Variants in VPS13A observed in about 807,000 individuals in gnomAD.
The protein encoded by VPS13A is intermembrane lipid transfer protein VPS13A.
In VPS13A, 264 loss-of-function variants were observed where a neutral mutation model predicts 390.9. The ratio of observed to expected loss-of-function variants is 0.68; its 90% CI spans 0.61 to 0.75. VPS13A has a LOEUF of 0.75. Ranked by LOEUF, VPS13A falls within the 30% of genes least tolerant of loss-of-function variation. VPS13A has a pLI of 0.00. For synonymous variants in VPS13A, 1,231 were observed against 1,227.1 expected (o/e 1.00, Z -0.07); for missense variants, 3,409 against 3,733.9 (o/e 0.91, Z 2.27).
chr9:77,346,190 A>T (rs879415257), intron 52 of VPS13A, among the ~76,000 whole-genome samples: 4 of 151,578 alleles, frequency 2.6e-5, no homozygotes, highest in Non-Finnish European at 4.4e-5. Flanking sequence ...ATTTTTTTTT[A>T]ATTTAAATTA....
intron 17 of VPS13A, among the ~76,000 whole-genome samples, chr9:77,236,804 G>A (rs759619473): frequency 6.6e-6 from 1 of 152,192 alleles, no homozygotes; most frequent in Non-Finnish European, 1.5e-5. Context: ...CCATATTAAT[G>A]TAGATTTTCT....
intron 31 of VPS13A, among the ~76,000 whole-genome samples, chr9:77,284,979 A>G (rs1045986157): frequency 1.3e-5 from 2 of 152,114 alleles, no homozygotes; most frequent in Admixed American, 6.6e-5. Flanking sequence ...TGCTGGTATT[A>G]CAAGCATGAG....
intron 7 of VPS13A, chr9:77,211,293 C>T (rs1825961164): frequency 6.6e-6 from 1 of 151,858 alleles, no homozygotes; most frequent in African/African-American, 2.4e-5. Context: ...GATAAGTATC[C>T]TAAATTTTAA....
In VPS13A at chr9:77,406,028, A is replaced by AAAT. The variant is rs1269967497; in HGVS notation, c.9399+45_9399+47dup. On this transcript the variant is annotated intron_variant, in intron 70 of 71. Transcript: ENST00000360280. Reference sequence around the variant, plus strand: ...TTATTTTTTGAAAACTTGGAACTGAAAATAATGCTTTGAAGTAGTCCTTTT... The same window carrying AAAT: ...TTATTTTTTGAAAACTTGGAACTGAAAATAATAATGCTTTGAAGTAGTCCTTTT... 1.2e-5 allele frequency: 20 copies of AAAT among 1,610,312 alleles called. 1 individual carries two copies. In the African/African-American group the frequency reaches 2.0e-4, roughly 16 times the overall value.
chr9:77,303,080 C>T lies in VPS13A; in HGVS notation c.3960+18C>T, dbSNP rs1176832118. 1 of 1,613,342 alleles carries T rather than the reference C, an allele frequency of 6.2e-7. No homozygotes were observed. The highest frequency in any genetic ancestry group is 2.2e-5 in the East Asian group (1 of 44,792). On this transcript the variant is annotated intron_variant, in intron 34 of 71. Transcript: ENST00000360280. The stretch of plus-strand genomic sequence containing the variant: ...CAATGGAGGTAACTTTTTTTGGATA[C>T]TTATCAATTTTTGTTTTGCTTGTTG...
chr9:77,319,398 G>A (rs916748514), intron 41 of VPS13A, among the ~76,000 whole-genome samples, 174 bp from the exon 42 acceptor site: 1 of 152,052 alleles, frequency 6.6e-6, no homozygotes, highest in Non-Finnish European at 1.5e-5. Context: ...AAATTGTGAA[G>A]AGCGAATATG....
At position 77,359,404 on chromosome 9, in the gene VPS13A, T is replaced by G. The variant is rs1832008997; in HGVS notation, c.8105+2T>G. The G allele has an allele frequency of 6.2e-7, 1 of 1,601,024 alleles. No individual in the cohort carries two copies. Among genetic ancestry groups the G allele is most frequent in the African/African-American group, 1.3e-5 (1 of 74,656 alleles). ...ACATTCCCAGATATCACGTATTAAG[T>G]AAGTGTCTTAATACATTTCTTGTAT... On this transcript the variant is annotated splice_donor_variant, in intron 58 of 71. Coordinates refer to ENST00000360280, the MANE Select transcript of VPS13A (RefSeq NM_033305.3). LOFTEE classifies it high-confidence loss of function.
intron 50 of VPS13A, among the ~76,000 whole-genome samples, chr9:77,343,092 C>G (rs1830928786): frequency 6.6e-6 from 1 of 152,016 alleles, no homozygotes; most frequent in East Asian, 1.9e-4. Flanking sequence ...TCAGGCGCTC[C>G]CTTTCCCCCG....
In VPS13A at chr9:77,340,241, C is replaced by A. The variant is rs1170011018; in HGVS notation, c.6838C>A (p.His2280Asn). The change falls in exon 49 of 72, where the codon CAT (histidine) becomes AAT (asparagine). Residue 2280 changes from histidine to asparagine, a missense_variant. Physicochemically the swap from His to Asn is moderately conservative, Grantham distance 68 (BLOSUM62 1). This residue lies in a region of VPS13A where 2,717 missense variants were observed against 2,917.4 expected (regional missense o/e 0.93). Transcript: ENST00000360280. Reference protein sequence around the residue: ...NQFSIDTVGSHGAVKCKGLKM... With the variant: ...NQFSIDTVGSNGAVKCKGLKM... ...GTTTTCAATTGATACTGTTGGTAGTCATGGAGCTGTTAAATGTAAAGGCCT... is the reference window on the plus strand; with the variant it reads ...GTTTTCAATTGATACTGTTGGTAGTAATGGAGCTGTTAAATGTAAAGGCCT... 1 of 1,613,160 alleles carries A rather than the reference C, an allele frequency of 6.2e-7. No individual in the cohort carries two copies. Among genetic ancestry groups the A allele is most frequent in the African/African-American group, 1.3e-5 (1 of 74,962 alleles).
intron 33 of VPS13A, among the ~76,000 whole-genome samples, chr9:77,298,999 C>CT (rs1828176821): frequency 6.6e-6 from 1 of 152,166 alleles, no homozygotes; most frequent in Admixed American, 6.5e-5. Flanking sequence ...TTTCCCAACA[C>CT]TATTTATTAA....
chr9:77,316,146 TA>T, intron 38 of VPS13A, 27 bp from the exon 39 acceptor site: 1 of 1,349,064 alleles, frequency 7.4e-7, no homozygotes, highest in Non-Finnish European at 1.0e-6. Context: ...ATATAGCAAA[TA>T]TTTTAATCTA....
chr9:77,405,883 A>G lies in VPS13A; in HGVS notation c.9295A>G (p.Lys3099Glu). Residue 3099 changes from lysine (K) to glutamate (E), a missense_variant, in exon 70 of 72, where the codon AAG becomes GAG. Physicochemically the swap from Lys to Glu is moderately conservative, Grantham distance 56. This residue lies in a region of VPS13A where 318 missense variants were observed against 333.7 expected (regional missense o/e 0.95). Coordinates refer to ENST00000360280, the MANE Select transcript of VPS13A (RefSeq NM_033305.3). ...TTGCAGTGGTGTATTGTTTGTAACA[A>G]AGGGAACATTTGGACAACTCACGTG... ...ITRRGVLFVT[K>E]GTFGQLTCEW... 3 of 1,613,822 alleles carry G rather than the reference A, an allele frequency of 1.9e-6. No homozygotes were observed. The highest frequency in any genetic ancestry group is 2.5e-6 in the Non-Finnish European group (3 of 1,179,994).
At chr9:77,319,726 A>G (rs1400651918) in intron 42 of VPS13A, 53 bp downstream of exon 42, 8 of 1,038,814 alleles carry the variant, frequency 7.7e-6, no homozygotes, top group Non-Finnish European at 8.3e-6. Flanking sequence ...ATTTTAAAAG[A>G]CTTTATTTTT....
At chr9:77,303,329 A>G (rs1245483892) in intron 34 of VPS13A, among the ~76,000 whole-genome samples, 1 of 152,190 alleles carries the variant, frequency 6.6e-6, no homozygotes, top group Non-Finnish European at 1.5e-5. Context: ...GTTGGTGGTG[A>G]TGGTGATCTG....
intron 23 of VPS13A, among the ~76,000 whole-genome samples, chr9:77,270,709 G>T (rs958286525): frequency 2.4e-4 from 36 of 151,858 alleles, no homozygotes; most frequent in Non-Finnish European, 4.4e-4. Flanking sequence ...AAAAAAAATT[G>T]TACAATATGT....
At chr9:77,354,649 A>T (rs1186389148) in intron 54 of VPS13A, among the ~76,000 whole-genome samples, 1 of 152,186 alleles carries the variant, frequency 6.6e-6, no homozygotes, top group Non-Finnish European at 1.5e-5. Context: ...CAGAGTTAGC[A>T]GAGCAAGAAA....
At chr9:77,388,802 A>AT (rs1441179021) in intron 68 of VPS13A, among the ~76,000 whole-genome samples, 6 of 152,310 alleles carry the variant, frequency 3.9e-5, no homozygotes, top group African/African-American at 1.2e-4. Context: ...ATAAATTATC[A>AT]TTTATCAGTA....
Position 77,260,152 on chromosome 9 carries a change from T to A in VPS13A, c.2355T>A (p.Ile785=). 6.2e-7 allele frequency: 1 copy of A among 1,605,378 alleles called. No homozygotes were observed. The highest frequency in any genetic ancestry group is 8.5e-7 in the Non-Finnish European group (1 of 1,172,496). Residue 785 remains isoleucine (I), a synonymous_variant, in exon 23 of 72, where the codon ATT becomes ATA. Transcript: ENST00000360280. ...LRISDKKLQG[I]MELIESIPKP... The stretch of plus-strand genomic sequence containing the variant: ...TCTCAGATAAAAAACTACAAGGGAT[T>A]ATGGAATTGATTGAAAGCATTCCAA...
At chr9:77,373,898 G>A (rs2131595455) in intron 67 of VPS13A, among the ~76,000 whole-genome samples, 1 of 152,278 alleles carries the variant, frequency 6.6e-6, no homozygotes, top group South Asian at 2.1e-4. Context: ...TTTTTAAGTT[G>A]CTGCCATTGC....
Sources: allele counts gnomAD v4.1 joint callset (sites outside exome capture counted in the v4.1 genomes callset), GRCh38; gene constraint gnomAD v4.1.1; regional missense constraint gnomAD v4.1.1; transcripts MANE v1.5; gene names NCBI Gene and HGNC (gene_info 2026-07-23, HGNC 2026-07-21).